Variants in MOB1B observed in about 807,000 individuals in gnomAD.
MOB1B encodes MOB1 Mps One Binder homolog B.
A neutral mutation model predicts 24.4 loss-of-function variants in MOB1B; 19 were observed. That is an observed-to-expected ratio of 0.78 (90% CI 0.54 to 1.14). The LOEUF is 1.14. MOB1B is among the 50% of genes most tolerant of loss of function. MOB1B has a pLI of 0.00. For synonymous variants in MOB1B, 76 were observed against 82.1 expected, an observed-to-expected ratio of 0.93 and a Z score of 0.40; for missense variants, 243 against 259.6, an observed-to-expected ratio of 0.94 and a Z score of 0.44.
intron 1 of MOB1B, among the ~76,000 whole-genome samples, chr4:70,948,142 G>C (rs186586673): frequency 7.8e-4 from 119 of 152,196 alleles, no homozygotes; most frequent in African/African-American, 2.6e-3. Context: ...TTTGCCTCTG[G>C]ATGTCCCAGT....
At chr4:70,941,157 G>C in intron 1 of MOB1B, among the ~76,000 whole-genome samples, 1 of 147,822 alleles carries the variant, frequency 6.8e-6, no homozygotes, top group East Asian at 1.9e-4. Context: ...GGCTACTTTG[G>C]CTCTTTTTTT....
chr4:70,958,808 G>GTGAATGACTCCATT, intron 1 of MOB1B, 66 bp from the exon 2 acceptor site: 1 of 1,388,684 alleles, frequency 7.2e-7, no homozygotes, highest in Non-Finnish European at 1.0e-6. Context: ...CTAATGCTTG[G>GTGAATGACTCCATT]TGAATGACTC....
chr4:70,940,006 C>T (rs891365674), intron 1 of MOB1B, among the ~76,000 whole-genome samples: 19 of 152,334 alleles, frequency 1.2e-4, no homozygotes, highest in African/African-American at 3.6e-4. Context: ...TGCATCTTTC[C>T]GTTGGTTTAT....
intron 1 of MOB1B, 195 bp from the exon 2 acceptor site, chr4:70,958,679 A>G: frequency 1.4e-6 from 1 of 708,824 alleles, no homozygotes; most frequent in Non-Finnish European, 2.6e-6. Context: ...TACAGCTTAA[A>G]AATTTTTCTT....
chr4:70,979,762 A>T (rs191432716), intron 5 of MOB1B, among the ~76,000 whole-genome samples: 63 of 152,220 alleles, frequency 4.1e-4, no homozygotes, highest in African/African-American at 1.4e-3. Flanking sequence ...ACTATCCATC[A>T]TGTCTGAGGG....
chr4:70,906,581 G>A (rs1560625061), intron 1 of MOB1B, among the ~76,000 whole-genome samples: 1 of 152,134 alleles, frequency 6.6e-6, no homozygotes, highest in Non-Finnish European at 1.5e-5. Flanking sequence ...TTTTGGATAG[G>A]GAGTTGAGAC....
Position 70,942,101 on chromosome 4 carries a change from A to G in MOB1B, c.15-16773A>G, listed in dbSNP as rs113872681. Among the ~76,000 whole-genome samples the G allele has an allele frequency of 3.2e-3, 483 of 152,248 alleles. 5 individuals are homozygous for G. Among genetic ancestry groups the G allele is most frequent in the African/African-American group, 0.011 (467 of 41,562 alleles). On this transcript the variant is annotated intron_variant, in intron 1 of 5. Transcript: ENST00000309395. Reference sequence around the variant, plus strand: ...TCAATGTCTTTGACCTTAATTACACATTGGTTAAAATTGACCTCCAAACCA... The same window carrying G: ...TCAATGTCTTTGACCTTAATTACACGTTGGTTAAAATTGACCTCCAAACCA...
rs142784063 is a variant in MOB1B at position 70,917,109 on chromosome 4, C to A, written c.14+14559C>A. 1.1e-3 allele frequency among the ~76,000 whole-genome samples: 163 copies of A among 152,262 alleles called. 1 individual carries two copies. The highest frequency in any genetic ancestry group is 1.9e-3 in the Non-Finnish European group (132 of 68,020). ...TGGAAAAAGGACCTAACAAATGATG[C>A]CCTTTTAGAACAGTGAAGGCCTCCT... On this transcript the variant is annotated intron_variant, in intron 1 of 5. Transcript: ENST00000309395.
At chr4:70,945,915 G>A (rs1238260387) in intron 1 of MOB1B, among the ~76,000 whole-genome samples, 3 of 151,442 alleles carry the variant, frequency 2.0e-5, no homozygotes, top group Non-Finnish European at 4.4e-5. Flanking sequence ...AGAAGTAGGC[G>A]CTACCTGATT....
intron 2 of MOB1B, among the ~76,000 whole-genome samples, chr4:70,961,255 A>G (rs1738291683): frequency 6.6e-6 from 1 of 152,180 alleles, no homozygotes; most frequent in Non-Finnish European, 1.5e-5. Flanking sequence ...ATTGTGCTTT[A>G]CTTAACCCTT....
At chr4:70,928,034 C>T (rs1275028732) in intron 1 of MOB1B, among the ~76,000 whole-genome samples, 1 of 152,116 alleles carries the variant, frequency 6.6e-6, no homozygotes, top group Non-Finnish European at 1.5e-5. Context: ...CTCCTCCCCA[C>T]CCCCATTTCT....
chr4:70,953,036 G>T (rs1216558987), intron 1 of MOB1B, among the ~76,000 whole-genome samples: 3 of 147,496 alleles, frequency 2.0e-5, no homozygotes, highest in African/African-American at 7.5e-5. Flanking sequence ...TCCGCCTCCT[G>T]GGATCAAGCG....
chr4:70,962,826 C>G (rs191185957), intron 2 of MOB1B, among the ~76,000 whole-genome samples: 1 of 152,072 alleles, frequency 6.6e-6, no homozygotes, highest in Non-Finnish European at 1.5e-5. Context: ...TGATGAAACC[C>G]CATCTCTACT....
intron 1 of MOB1B, among the ~76,000 whole-genome samples, chr4:70,955,673 G>A (rs1411688330): frequency 6.6e-6 from 1 of 151,590 alleles, no homozygotes; most frequent in African/African-American, 2.4e-5. Context: ...GTTTCACCAT[G>A]TTGGCCAGAC....
At chr4:70,907,093 G>A (rs1215880006) in intron 1 of MOB1B, among the ~76,000 whole-genome samples, 1 of 152,174 alleles carries the variant, frequency 6.6e-6, no homozygotes, top group African/African-American at 2.4e-5. Flanking sequence ...TCAAGAAATT[G>A]CCTGTGAATT....
intron 1 of MOB1B, among the ~76,000 whole-genome samples, chr4:70,946,158 A>G (rs1737573828): frequency 6.7e-6 from 1 of 149,712 alleles, no homozygotes. Context: ...ATTGAAAATG[A>G]AATTTTGGTG....
chr4:70,946,955 T>G (rs1057117533), intron 1 of MOB1B, among the ~76,000 whole-genome samples: 1 of 152,214 alleles, frequency 6.6e-6, no homozygotes, highest in Non-Finnish European at 1.5e-5. Context: ...CACATTATAT[T>G]GAGCGTTTGC....
chr4:70,904,747 A>G (rs1328656003), intron 1 of MOB1B, among the ~76,000 whole-genome samples: 1 of 145,750 alleles, frequency 6.9e-6, no homozygotes, highest in Admixed American at 6.9e-5. Context: ...TGGCAGAGTG[A>G]GACTCTGTCT....
intron 2 of MOB1B, among the ~76,000 whole-genome samples, chr4:70,967,135 CTTT>C (rs770941725): frequency 1.4e-5 from 2 of 139,714 alleles, no homozygotes; most frequent in Non-Finnish European, 3.1e-5. Flanking sequence ...TTACTGGAGT[CTTT>C]TTTTTTTTTT....
Sources: gnomAD v4.1 joint callset for allele counts (sites outside exome capture counted in the v4.1 genomes callset) on GRCh38, gnomAD v4.1.1 for gene constraint, MANE v1.5 for transcripts, NCBI Gene and HGNC (gene_info 2026-07-23, HGNC 2026-07-21) for gene names.